The following ZMPSTE24 variants were observed in gnomAD, a reference collection of about 807,000 sequenced individuals.
ZMPSTE24 encodes CAAX prenyl protease 1 homolog.
A neutral mutation model predicts 56.7 loss-of-function variants in ZMPSTE24; 48 were observed. That is an observed-to-expected ratio of 0.85 (90% confidence interval 0.67 to 1.08). The LOEUF (loss-of-function observed/expected upper bound fraction) is 1.08, where lower values mean the gene tolerates loss of function less well. Ranked by LOEUF, ZMPSTE24 falls within the 50% of genes least tolerant of loss-of-function variation. ZMPSTE24 has a pLI of 0.00. For missense variants in ZMPSTE24, 503 were observed against 548.7 expected (o/e 0.92, Z 0.83); for synonymous variants, 172 against 195.2 (o/e 0.88, Z 0.99).
In ZMPSTE24 at chr1:40,267,890, A is replaced by G; in HGVS notation, c.357+18A>G. Reference sequence around the variant, plus strand: ...AATATGAGGTATGTGATTCATTAGCATGTATTTGTCATGGTATTTCTTTTA... The same window carrying G: ...AATATGAGGTATGTGATTCATTAGCGTGTATTTGTCATGGTATTTCTTTTA... On this transcript the variant is annotated intron_variant, in intron 3 of 9. Coordinates refer to ENST00000372759, the MANE Select transcript of ZMPSTE24 (RefSeq NM_005857.5). 2 of 1,600,728 alleles carry G rather than the reference A, an allele frequency of 1.2e-6. No individual in the cohort carries two copies. The highest frequency in any genetic ancestry group is 1.3e-5 in the African/African-American group (1 of 74,702).
At chr1:40,267,649 C>T (rs1643564700) in intron 2 of ZMPSTE24, 137 bp from the exon 3 acceptor site, 1 of 639,648 alleles carries the variant, frequency 1.6e-6, no homozygotes, top group Non-Finnish European at 2.8e-6. Context: ...GGATTACAGG[C>T]ATGAGCCACC....
At chr1:40,289,557 T>G (rs1643819447) in intron 8 of ZMPSTE24, among the ~76,000 whole-genome samples, 1 of 152,196 alleles carries the variant, frequency 6.6e-6, no homozygotes, top group Non-Finnish European at 1.5e-5. Context: ...GTGAGCCTTC[T>G]TATGCTCTAA....
At chr1:40,272,592 T>C (rs1643624330) in intron 6 of ZMPSTE24, among the ~76,000 whole-genome samples, 5 of 152,206 alleles carry the variant, frequency 3.3e-5, no homozygotes. Flanking sequence ...ATGATTACTT[T>C]TGAGATTTAA....
chr1:40,288,047 A>G (rs1643804571), intron 8 of ZMPSTE24, among the ~76,000 whole-genome samples: 1 of 151,792 alleles, frequency 6.6e-6, no homozygotes, highest in African/African-American at 2.4e-5. Flanking sequence ...GCTTGGTGGT[A>G]TGCACCTGTA....
intron 1 of ZMPSTE24, among the ~76,000 whole-genome samples, chr1:40,260,411 C>T (rs1365408468): frequency 6.6e-6 from 1 of 152,094 alleles, no homozygotes; most frequent in Non-Finnish European, 1.5e-5. Context: ...TGGTGATCCT[C>T]AAGTTTCTGG....
At position 40,267,881 on chromosome 1, in the gene ZMPSTE24, T is replaced by G; in HGVS notation, c.357+9T>G. Reference sequence around the variant, plus strand: ...TTGGACCAGAATATGAGGTATGTGATTCATTAGCATGTATTTGTCATGGTA... The same window carrying G: ...TTGGACCAGAATATGAGGTATGTGAGTCATTAGCATGTATTTGTCATGGTA... On this transcript the variant is annotated intron_variant, in intron 3 of 9. Coordinates refer to ENST00000372759, the MANE Select transcript of ZMPSTE24 (RefSeq NM_005857.5). 6.2e-7 allele frequency: 1 copy of G among 1,605,666 alleles called. No homozygotes were observed.
At chr1:40,271,073 G>T (rs1444183766) in intron 5 of ZMPSTE24, among the ~76,000 whole-genome samples, 3 of 152,194 alleles carry the variant, frequency 2.0e-5, no homozygotes, top group East Asian at 3.8e-4. Flanking sequence ...TTATTTTAGA[G>T]ATAGGGCCTC....
At chr1:40,275,764 A>AC (rs1434960939) in intron 6 of ZMPSTE24, among the ~76,000 whole-genome samples, 3 of 151,724 alleles carry the variant, frequency 2.0e-5, no homozygotes, top group African/African-American at 7.3e-5. Flanking sequence ...AAAAAAAAAA[A>AC]AAAAAAAAAA....
At chr1:40,265,286 G>C (rs760437018) in intron 2 of ZMPSTE24, among the ~76,000 whole-genome samples, 1 of 152,158 alleles carries the variant, frequency 6.6e-6, no homozygotes, top group Non-Finnish European at 1.5e-5. Context: ...AGGTCAATTA[G>C]ATCAACAACT....
intron 7 of ZMPSTE24, among the ~76,000 whole-genome samples, chr1:40,284,865 A>G (rs1040562114): frequency 5.4e-5 from 8 of 149,238 alleles, no homozygotes; most frequent in African/African-American, 2.0e-4. Flanking sequence ...ATCATACTAT[A>G]TATTTTTAGT....
At chr1:40,279,345 G>T (rs1380435762) in intron 6 of ZMPSTE24, among the ~76,000 whole-genome samples, 1 of 152,180 alleles carries the variant, frequency 6.6e-6, no homozygotes, top group Non-Finnish European at 1.5e-5. Context: ...TTAGGTTGGT[G>T]CAAAAGTAAT....
intron 8 of ZMPSTE24, 59 bp from the exon 9 acceptor site, chr1:40,290,795 T>C: frequency 6.3e-7 from 1 of 1,590,846 alleles, no homozygotes. Context: ...TGGATGCTAC[T>C]GATCCCATAG....
In ZMPSTE24 at chr1:40,267,872, G is replaced by C. The variant is rs376031534; in HGVS notation, c.357G>C (p.Glu119Asp). ...ATGCTGGCTTTGGACCAGAATATGA[G>C]GTATGTGATTCATTAGCATGTATTT... ...CGYAGFGPEY[E>D]ITQSLVFLLL... The change falls in exon 3 of 10, where the codon GAG becomes GAC. Residue 119 changes from glutamate (E) to aspartate (D), a missense_variant and splice_region_variant. By Grantham distance (45) the Glu-to-Asp change is conservative (BLOSUM62 2). Transcript: ENST00000372759. The C allele has an allele frequency of 2.0e-5, 32 of 1,610,370 alleles. No individual in the cohort carries two copies. The highest frequency in any genetic ancestry group is 2.6e-5 in the Non-Finnish European group (31 of 1,176,692).
chr1:40,280,617 G>C, intron 6 of ZMPSTE24, among the ~76,000 whole-genome samples: 1 of 151,956 alleles, frequency 6.6e-6, no homozygotes, highest in Non-Finnish European at 1.5e-5. Context: ...GTAGAGACAG[G>C]GTTTCACCAT....
At chr1:40,292,369 C>T (rs1643851945) in intron 9 of ZMPSTE24, 76 bp from the exon 10 acceptor site, 21 of 1,418,246 alleles carry the variant, frequency 1.5e-5, no homozygotes, top group East Asian at 2.3e-5. Context: ...AACTTCTCTA[C>T]AGTCTCAGCT....
chr1:40,265,123 A>G (rs1643536816), intron 2 of ZMPSTE24, among the ~76,000 whole-genome samples: 1 of 152,110 alleles, frequency 6.6e-6, no homozygotes, highest in African/African-American at 2.4e-5. Context: ...GCATTTATAG[A>G]TCATTCAGAA....
Position 40,268,735 on chromosome 1 carries a change from G to A in ZMPSTE24, c.474+200G>A, listed in dbSNP as rs1643581845. 2.0e-5 allele frequency among the ~76,000 whole-genome samples: 3 copies of A among 152,054 alleles called. 1 individual carries two copies. The highest frequency in any genetic ancestry group is 4.1e-4 in the South Asian group (2 of 4,824). On this transcript the variant is annotated intron_variant, in intron 4 of 9. Transcript: ENST00000372759. Reference sequence around the variant, plus strand: ...GGCCAGTTGCCCTGGCACTCGGGGAGGCAAGGCTACATGTTCGAGGCCAAC... The same window carrying A: ...GGCCAGTTGCCCTGGCACTCGGGGAAGCAAGGCTACATGTTCGAGGCCAAC...
intron 6 of ZMPSTE24, among the ~76,000 whole-genome samples, chr1:40,278,627 A>G (rs548252646): frequency 6.6e-6 from 1 of 151,342 alleles, no homozygotes; most frequent in East Asian, 2.0e-4. Context: ...AATGAGGTAG[A>G]TATTAGGCTC....
intron 1 of ZMPSTE24, among the ~76,000 whole-genome samples, chr1:40,260,483 T>G (rs1643486017): frequency 6.6e-6 from 1 of 152,204 alleles, no homozygotes; most frequent in Admixed American, 6.5e-5. Context: ...TTAGCATGTG[T>G]GCTTCTCCTT....
Sources: allele counts gnomAD v4.1 joint callset (sites outside exome capture counted in the v4.1 genomes callset), GRCh38; gene constraint gnomAD v4.1.1; transcripts MANE v1.5; gene names NCBI Gene and HGNC (gene_info 2026-07-23, HGNC 2026-07-21).